The following PDSS2 variants were observed in gnomAD, a reference collection of about 807,000 sequenced individuals.
The protein encoded by PDSS2 is all trans-polyprenyl-diphosphate synthase PDSS2.
A neutral mutation model predicts 44.5 loss-of-function variants in PDSS2; 31 were observed. The observed-to-expected ratio is 0.70, with a 90% CI of 0.52 to 0.94. The LOEUF is 0.94. Among genes scored for constraint, PDSS2 ranks in the 40% least tolerant of loss-of-function variants. PDSS2 has a pLI of 0.00. For missense variants in PDSS2, 452 were observed against 482.2 expected (o/e 0.94, Z 0.59); for synonymous variants, 157 against 180.3 (o/e 0.87, Z 1.03).
intron 1 of PDSS2, among the ~76,000 whole-genome samples, chr6:107,402,124 C>T (rs927040213): frequency 6.6e-6 from 1 of 151,692 alleles, no homozygotes; most frequent in Admixed American, 6.6e-5. Context: ...ACTAAAAATA[C>T]AAAAAATTAG....
chr6:107,337,751 G>A (rs1475414600), intron 1 of PDSS2, among the ~76,000 whole-genome samples: 1 of 151,860 alleles, frequency 6.6e-6, no homozygotes, highest in African/African-American at 2.4e-5. Flanking sequence ...CACTCTACTA[G>A]CATATATAAT....
chr6:107,211,761 G>A (rs1436877794), intron 5 of PDSS2, among the ~76,000 whole-genome samples: 7 of 150,824 alleles, frequency 4.6e-5, no homozygotes, highest in Admixed American at 4.6e-4. Flanking sequence ...AAGCTATAAG[G>A]GAACTGTAAC....
intron 1 of PDSS2, among the ~76,000 whole-genome samples, chr6:107,449,216 C>A (rs945062501): frequency 6.6e-6 from 1 of 152,142 alleles, no homozygotes; most frequent in Non-Finnish European, 1.5e-5. Flanking sequence ...ACAGTTTTGT[C>A]ATTTTGAAAA....
intron 1 of PDSS2, among the ~76,000 whole-genome samples, chr6:107,395,920 A>T (rs1439248593): frequency 6.6e-6 from 1 of 152,142 alleles, no homozygotes; most frequent in Non-Finnish European, 1.5e-5. Context: ...TTACATCTGA[A>T]CCCATTTGAT....
intron 7 of PDSS2, among the ~76,000 whole-genome samples, chr6:107,185,460 T>TA (rs1772135289): frequency 6.6e-6 from 1 of 152,160 alleles, no homozygotes; most frequent in Admixed American, 6.6e-5. Context: ...TTGAAAATGT[T>TA]AAAAAATTAA....
At chr6:107,280,765 A>G (rs1271209555) in intron 2 of PDSS2, among the ~76,000 whole-genome samples, 2 of 152,256 alleles carry the variant, frequency 1.3e-5, no homozygotes, top group Non-Finnish European at 2.9e-5. Context: ...ATTTAAGTTG[A>G]TGTTAAAATA....
chr6:107,406,991 C>A (rs373795623), intron 1 of PDSS2, among the ~76,000 whole-genome samples: 1 of 152,196 alleles, frequency 6.6e-6, no homozygotes, highest in East Asian at 1.9e-4. Flanking sequence ...GCTCTGCTCT[C>A]CTATTTAGCC....
At chr6:107,360,388 G>T (rs1778732638) in intron 1 of PDSS2, among the ~76,000 whole-genome samples, 1 of 152,138 alleles carries the variant, frequency 6.6e-6, no homozygotes. Context: ...GTCTGTGGAA[G>T]TACTCTAGAA....
At chr6:107,281,124 T>C (rs1028814079) in intron 2 of PDSS2, among the ~76,000 whole-genome samples, 1 of 152,160 alleles carries the variant, frequency 6.6e-6, no homozygotes. Flanking sequence ...GTTCCCTGAC[T>C]GGAATATGGC....
chr6:107,263,336 C>A (rs1002174364), intron 3 of PDSS2, among the ~76,000 whole-genome samples: 3 of 151,992 alleles, frequency 2.0e-5, no homozygotes, highest in Non-Finnish European at 4.4e-5. Flanking sequence ...GCCTGTAATC[C>A]CAGCTACTCA....
At chr6:107,406,014 T>C (rs1282237358) in intron 1 of PDSS2, among the ~76,000 whole-genome samples, 2 of 152,204 alleles carry the variant, frequency 1.3e-5, no homozygotes, top group Admixed American at 6.5e-5. Context: ...AATATATCCA[T>C]GTATCAAAAC....
chr6:107,400,311 A>T (rs1780068238), intron 1 of PDSS2, among the ~76,000 whole-genome samples: 1 of 152,148 alleles, frequency 6.6e-6, no homozygotes, highest in African/African-American at 2.4e-5. Flanking sequence ...GCAGTCAATG[A>T]TTTGGAGAAT....
At chr6:107,301,582 T>C (rs2115065668) in intron 2 of PDSS2, among the ~76,000 whole-genome samples, 1 of 152,326 alleles carries the variant, frequency 6.6e-6, no homozygotes, top group Admixed American at 6.5e-5. Flanking sequence ...AGTAAAAGTA[T>C]GTTGACATTT....
rs139138064 is a variant in PDSS2 at position 107,238,661 on chromosome 6, T to G, written c.702+6887A>C. Among the ~76,000 whole-genome samples the G allele has an allele frequency of 2.7e-3, 410 of 152,296 alleles. 3 individuals are homozygous for G. The highest frequency in any genetic ancestry group is 8.8e-3 in the African/African-American group (365 of 41,546). ...TTTTCTGCCTAGCATGTAGCAAAAT[T>G]CCAGACTCCTATAAGGAAAGCAGGT... is the stretch of plus-strand genomic sequence containing the variant. On this transcript the variant is annotated intron_variant, in intron 4 of 7. Coordinates refer to ENST00000369037, the MANE Select transcript of PDSS2 (RefSeq NM_020381.4).
chr6:107,188,393 T>A (rs545892130), intron 7 of PDSS2, among the ~76,000 whole-genome samples: 18 of 151,284 alleles, frequency 1.2e-4, no homozygotes, highest in African/African-American at 2.4e-4. Flanking sequence ...AAAAAAAAAA[T>A]TTAAATTTAA....
At chr6:107,261,291 T>C (rs1375737943) in intron 3 of PDSS2, among the ~76,000 whole-genome samples, 4 of 152,210 alleles carry the variant, frequency 2.6e-5, no homozygotes, top group Admixed American at 6.5e-5. Flanking sequence ...GTTTGGATCA[T>C]GGGGGCAGAT....
intron 3 of PDSS2, among the ~76,000 whole-genome samples, chr6:107,271,243 T>G (rs910138233): frequency 3.3e-5 from 5 of 152,250 alleles, no homozygotes; most frequent in Non-Finnish European, 4.4e-5. Flanking sequence ...CATTCCTTAT[T>G]AACTTTCTTA....
intron 6 of PDSS2, among the ~76,000 whole-genome samples, chr6:107,203,745 C>T (rs1772871246): frequency 6.6e-6 from 1 of 152,056 alleles, no homozygotes; most frequent in Non-Finnish European, 1.5e-5. Context: ...GCAATCATCA[C>T]CACTAACAAG....
chr6:107,232,956 C>T (rs1582823541), intron 4 of PDSS2, among the ~76,000 whole-genome samples: 2 of 151,956 alleles, frequency 1.3e-5, no homozygotes, highest in East Asian at 3.9e-4. Flanking sequence ...CAAGGAGCCA[C>T]AGGCATGTAC....
Sources: gnomAD v4.1 joint callset for allele counts (sites outside exome capture counted in the v4.1 genomes callset) on GRCh38, gnomAD v4.1.1 for gene constraint, MANE v1.5 for transcripts, NCBI Gene and HGNC (gene_info 2026-07-23, HGNC 2026-07-21) for gene names.